Variants in RALGPS1 observed in about 807,000 individuals in gnomAD.
The protein encoded by RALGPS1 is ras-specific guanine nucleotide-releasing factor RalGPS1.
Under a neutral mutation model 78.8 loss-of-function variants are expected in RALGPS1, and 19 were observed. The ratio of observed to expected loss-of-function variants is 0.24; its 90% confidence interval spans 0.17 to 0.35. RALGPS1 has a LOEUF of 0.35. Ranked by LOEUF, RALGPS1 falls within the 10% of genes least tolerant of loss-of-function variation. The pLI is 1.00. For synonymous variants in RALGPS1, 228 were observed against 256.3 expected (o/e 0.89, Z 1.06); for missense variants, 454 against 688.3 (o/e 0.66, Z 3.81).
chr9:126,962,288 C>G lies in RALGPS1; in HGVS notation c.-2C>G, dbSNP rs1007842282. 2 of 1,614,128 alleles carry G rather than the reference C, an allele frequency of 1.2e-6. No individual in the cohort carries two copies. Among genetic ancestry groups the G allele is most frequent in the African/African-American group, 2.7e-5 (2 of 75,050 alleles). Reference sequence around the variant, plus strand: ...CCTGAAGCTCCCTGTGGCCTGGAGACTATGTACAAGAGGAATGGTCTGATG... The same window carrying G: ...CCTGAAGCTCCCTGTGGCCTGGAGAGTATGTACAAGAGGAATGGTCTGATG... On this transcript the variant is annotated 5_prime_UTR_variant, in exon 2 of 19. Transcript: ENST00000259351.
intron 11 of RALGPS1, among the ~76,000 whole-genome samples, chr9:127,175,609 T>C (rs947232783): frequency 6.6e-6 from 1 of 150,912 alleles, no homozygotes; most frequent in Non-Finnish European, 1.5e-5. Context: ...GTTTGCGCTC[T>C]AGGTCATACC....
chr9:126,944,271 GATCT>G (rs1312200051), intron 1 of RALGPS1, among the ~76,000 whole-genome samples: 4 of 152,222 alleles, frequency 2.6e-5, no homozygotes, highest in Non-Finnish European at 4.4e-5. Context: ...AATAGGTGAT[GATCT>G]TTTGGCACTT....
At chr9:127,023,800 C>T (rs1446588890) in intron 4 of RALGPS1, among the ~76,000 whole-genome samples, 2 of 152,126 alleles carry the variant, frequency 1.3e-5, no homozygotes, top group East Asian at 1.9e-4. Context: ...CTTTGGGAGG[C>T]CGAGGTGGGT....
intron 7 of RALGPS1, among the ~76,000 whole-genome samples, chr9:127,059,909 T>C (rs1390032227): frequency 6.6e-6 from 1 of 152,038 alleles, no homozygotes; most frequent in South Asian, 2.1e-4. Context: ...AGTCTCCTGC[T>C]TCAAACACAC....
At chr9:126,974,134 A>T (rs2040383207) in intron 3 of RALGPS1, among the ~76,000 whole-genome samples, 1 of 152,172 alleles carries the variant, frequency 6.6e-6, no homozygotes, top group African/African-American at 2.4e-5. Flanking sequence ...TCAGCCTCCC[A>T]AAGTGCTATG....
Position 127,091,036 on chromosome 9 carries a change from T to C in RALGPS1, c.610+21680T>C, listed in dbSNP as rs1350278262. Among the ~76,000 whole-genome samples the C allele has an allele frequency of 6.6e-6, 1 of 152,250 alleles. No homozygotes were observed. Among genetic ancestry groups the C allele is most frequent in the African/African-American group, 2.4e-5 (1 of 41,474 alleles). On this transcript the variant is annotated intron_variant, in intron 8 of 18. Coordinates refer to ENST00000259351, the MANE Select transcript of RALGPS1 (RefSeq NM_014636.3). This position sits in a 1 kb window ranked among gnomAD's most constrained non-coding sequence, Gnocchi z 4.3. ...TCTCTCCTATCTGCTTTCCTCTTAA[T>C]AGCTTCCTCTCAGCACTGCACTAGC...
Position 127,166,130 on chromosome 9 carries a change from G to A in RALGPS1, c.672G>A (p.Met224Ile). The A allele has an allele frequency of 6.2e-7, 1 of 1,613,406 alleles. No individual in the cohort carries two copies. Among genetic ancestry groups the A allele is most frequent in the Non-Finnish European group, 8.5e-7 (1 of 1,179,880 alleles). Residue 224 changes from methionine to isoleucine, a missense_variant, in exon 9 of 19, where the codon ATG (methionine) becomes ATA (isoleucine). Met to Ile is a conservative substitution (Grantham distance 10). Transcript: ENST00000259351. ...DSAYPASGSI[M>I]ENEQRSNQMN... is the part of the protein sequence containing the mutation. Reference sequence around the variant, plus strand: ...CATATCCTGCCTCAGGCAGTATCATGGAAAATGAACAAAGATCCAATCAGA... The same window carrying A: ...CATATCCTGCCTCAGGCAGTATCATAGAAAATGAACAAAGATCCAATCAGA...
intron 8 of RALGPS1, among the ~76,000 whole-genome samples, chr9:127,144,545 T>C (rs1588148828): frequency 1.3e-5 from 2 of 152,322 alleles, no homozygotes; most frequent in South Asian, 4.1e-4. Context: ...CAAAAACTTG[T>C]ACATGAATGT....
chr9:127,089,330 A>G (rs2052163085), intron 8 of RALGPS1, among the ~76,000 whole-genome samples: 1 of 152,162 alleles, frequency 6.6e-6, no homozygotes, highest in Non-Finnish European at 1.5e-5. Flanking sequence ...TTTGTAACTA[A>G]CTAGCTGTGT....
intron 1 of RALGPS1, among the ~76,000 whole-genome samples, chr9:126,917,779 C>G (rs1348954487): frequency 6.6e-6 from 1 of 152,214 alleles, no homozygotes; most frequent in Non-Finnish European, 1.5e-5. Flanking sequence ...ACAGGGAATT[C>G]TGAGGCCTCT....
At chr9:127,078,953 G>A (rs1589349389) in intron 8 of RALGPS1, among the ~76,000 whole-genome samples, 1 of 152,100 alleles carries the variant, frequency 6.6e-6, no homozygotes, top group Non-Finnish European at 1.5e-5. Context: ...CATTATTTTT[G>A]TCTTATTTGC....
rs750200504 is a variant in RALGPS1, at chr9:127,212,221, A to C, written c.1338A>C (p.Glu446Asp). The change falls in exon 15 of 19, where the codon GAA becomes GAC. Residue 446 changes from glutamate to aspartate, a missense_variant. By Grantham distance (45) the Glu-to-Asp change is conservative. Coordinates refer to ENST00000259351, the MANE Select transcript of RALGPS1 (RefSeq NM_014636.3). This position sits in a 1 kb window ranked among gnomAD's most constrained non-coding sequence, Gnocchi z 6.0. ...GPLRRKTLLK[E>D]GRKPALSSWT... ...TGAGAAGAAAAACCCTGCTCAAGGA[A>C]GGGCGGAAGCCTGCGGTAAGTACAG... 1 of 1,613,452 alleles carries C rather than the reference A, an allele frequency of 6.2e-7. No individual in the cohort carries two copies. Among genetic ancestry groups the C allele is most frequent in the Non-Finnish European group, 8.5e-7 (1 of 1,179,674 alleles).
intron 8 of RALGPS1, among the ~76,000 whole-genome samples, chr9:127,134,011 C>T (rs187476249): frequency 3.1e-4 from 47 of 150,468 alleles, no homozygotes; most frequent in East Asian, 2.0e-3. Flanking sequence ...CTCGCTCCCC[C>T]CCCCGTGAAT....
At chr9:126,971,298 A>G (rs955291160) in intron 3 of RALGPS1, among the ~76,000 whole-genome samples, 2 of 152,074 alleles carry the variant, frequency 1.3e-5, no homozygotes, top group Non-Finnish European at 2.9e-5. Context: ...AAGATTTGAA[A>G]CCGCATATTG....
At chr9:127,026,186 G>A (rs189908035) in intron 4 of RALGPS1, among the ~76,000 whole-genome samples, 154 of 152,280 alleles carry the variant, frequency 1.0e-3, no homozygotes, top group African/African-American at 3.2e-3. Context: ...CTTGGAGTTC[G>A]ATGTTTGAGG....
chr9:126,984,275 T>A (rs763618257), intron 4 of RALGPS1, among the ~76,000 whole-genome samples: 2 of 152,082 alleles, frequency 1.3e-5, no homozygotes, highest in Non-Finnish European at 2.9e-5. Context: ...GGCTAATTTT[T>A]AAAAAATATT....
rs918048458 is a variant in RALGPS1 at position 127,205,978 on chromosome 9, A to G, written c.1248-6153A>G. Among the ~76,000 whole-genome samples the G allele has an allele frequency of 2.6e-5, 4 of 152,226 alleles. No individual in the cohort carries two copies. The highest frequency in any genetic ancestry group is 6.5e-5 in the Admixed American group (1 of 15,284). ...TTAGTGAATCAGGGACATTGCCCAGAGAAGAGTGGGTGGCCCATAGAAAGC... is the reference window on the plus strand; with the variant it reads ...TTAGTGAATCAGGGACATTGCCCAGGGAAGAGTGGGTGGCCCATAGAAAGC... On this transcript the variant is annotated intron_variant, in intron 14 of 18. Coordinates refer to ENST00000259351, the MANE Select transcript of RALGPS1 (RefSeq NM_014636.3). The surrounding 1 kb of genome is among the most constrained non-coding windows in gnomAD (Gnocchi z 4.0).
intron 8 of RALGPS1, among the ~76,000 whole-genome samples, chr9:127,135,089 G>A (rs1007486701): frequency 3.3e-5 from 5 of 152,204 alleles, no homozygotes; most frequent in Non-Finnish European, 5.9e-5. Context: ...TAGACCTTCG[G>A]CCCACCAAGG....
chr9:126,974,251 A>G (rs1469901581), intron 3 of RALGPS1, among the ~76,000 whole-genome samples: 1 of 152,246 alleles, frequency 6.6e-6, no homozygotes, highest in Non-Finnish European at 1.5e-5. Context: ...CAAAAGGAAC[A>G]GAACAGTTCC....
Sources: gnomAD v4.1 joint callset for allele counts (sites outside exome capture counted in the v4.1 genomes callset) on GRCh38, gnomAD v4.1.1 for gene constraint, Gnocchi (gnomAD v3.1) non-coding constraint, MANE v1.5 for transcripts, NCBI Gene and HGNC (gene_info 2026-07-23, HGNC 2026-07-21) for gene names.